GPC6: variants seen among roughly 807,000 people sequenced by gnomAD.
The protein encoded by GPC6 is glypican-6.
In GPC6, 14 loss-of-function variants were observed where a neutral mutation model predicts 55.2. That is an observed-to-expected ratio of 0.25 (90% CI 0.17 to 0.40). The LOEUF (loss-of-function observed/expected upper bound fraction) is 0.40. Among genes scored for constraint, GPC6 ranks in the 10% least tolerant of loss-of-function variants. GPC6 has a pLI of 1.00. For missense variants in GPC6, 641 were observed against 708.5 expected (o/e 0.90, Z 1.08); for synonymous variants, 278 against 259.6 (o/e 1.07, Z -0.68).
At chr13:93,441,472 T>A (rs1334465577) in intron 1 of GPC6, among the ~76,000 whole-genome samples, 1 of 152,260 alleles carries the variant, frequency 6.6e-6, no homozygotes, top group Admixed American at 6.5e-5. Context: ...TTCATGTGTT[T>A]TGGCTGCATA....
chr13:93,601,748 G>A (rs1280050981), intron 2 of GPC6, among the ~76,000 whole-genome samples: 2 of 152,228 alleles, frequency 1.3e-5, no homozygotes, highest in Admixed American at 1.3e-4. Flanking sequence ...AGATGTATAT[G>A]TATTTGTACA....
At chr13:93,987,060 A>C (rs1004596350) in intron 3 of GPC6, among the ~76,000 whole-genome samples, 3 of 152,128 alleles carry the variant, frequency 2.0e-5, no homozygotes, top group Non-Finnish European at 4.4e-5. Flanking sequence ...TTTTAAATCT[A>C]ACTTAACCTT....
At chr13:94,218,388 A>G (rs974591215) in intron 4 of GPC6, among the ~76,000 whole-genome samples, 1 of 152,142 alleles carries the variant, frequency 6.6e-6, no homozygotes, top group African/African-American at 2.4e-5. Flanking sequence ...CAACTGCTTG[A>G]GGCTGAATCT....
chr13:94,020,673 G>A (rs1053793617), intron 3 of GPC6, among the ~76,000 whole-genome samples: 2 of 152,026 alleles, frequency 1.3e-5, no homozygotes, highest in African/African-American at 4.8e-5. Context: ...TAAGCTAATT[G>A]TCCTTTTATG....
chr13:94,017,629 T>C (rs2138707295), intron 3 of GPC6, among the ~76,000 whole-genome samples: 1 of 152,214 alleles, frequency 6.6e-6, no homozygotes, highest in East Asian at 1.9e-4. Context: ...AACCATATGT[T>C]ATAGGATCAT....
intron 3 of GPC6, among the ~76,000 whole-genome samples, chr13:93,928,856 T>TATACAC (rs1555342456): frequency 1.4e-5 from 2 of 142,896 alleles, no homozygotes; most frequent in African/African-American, 5.2e-5. Context: ...CCCTGTGTGT[T>TATACAC]ACACACACAC....
intron 3 of GPC6, among the ~76,000 whole-genome samples, chr13:93,978,291 A>G (rs1880614349): frequency 1.3e-5 from 2 of 152,174 alleles, no homozygotes; most frequent in African/African-American, 4.8e-5. Flanking sequence ...TGGACTTCTT[A>G]TCTCCAGATG....
intron 4 of GPC6, among the ~76,000 whole-genome samples, chr13:94,122,678 A>G (rs1426319284): frequency 6.6e-6 from 1 of 152,104 alleles, no homozygotes; most frequent in Non-Finnish European, 1.5e-5. Context: ...TCTTTCATTC[A>G]CTACTCTGCA....
intron 1 of GPC6, among the ~76,000 whole-genome samples, chr13:93,242,625 T>A (rs1876471992): frequency 6.6e-6 from 1 of 152,144 alleles, no homozygotes; most frequent in Non-Finnish European, 1.5e-5. Flanking sequence ...GCTCGACCGC[T>A]GGGGAAGAAT....
At chr13:93,983,390 A>G (rs1270952687) in intron 3 of GPC6, among the ~76,000 whole-genome samples, 1 of 152,078 alleles carries the variant, frequency 6.6e-6, no homozygotes, top group Non-Finnish European at 1.5e-5. Flanking sequence ...TGGAGAAATC[A>G]TGCATTTAGA....
At chr13:93,482,910 A>G (rs914160467) in intron 1 of GPC6, among the ~76,000 whole-genome samples, 3 of 152,090 alleles carry the variant, frequency 2.0e-5, no homozygotes, top group Non-Finnish European at 4.4e-5. Context: ...GCATTTTTGA[A>G]ACGTGCTTTG....
At chr13:93,521,824 A>G (rs1419914694) in intron 1 of GPC6, among the ~76,000 whole-genome samples, 3 of 151,992 alleles carry the variant, frequency 2.0e-5, no homozygotes, top group Non-Finnish European at 4.4e-5. Context: ...GTAGCTTTTA[A>G]TGATGGGAAA....
At chr13:93,907,148 A>C (rs184245087) in intron 3 of GPC6, among the ~76,000 whole-genome samples, 4 of 152,238 alleles carry the variant, frequency 2.6e-5, no homozygotes, top group Non-Finnish European at 5.9e-5. Context: ...GATAAATAAG[A>C]TCTACAATCC....
intron 1 of GPC6, among the ~76,000 whole-genome samples, chr13:93,425,262 A>G (rs1313532775): frequency 6.6e-6 from 1 of 152,158 alleles, no homozygotes; most frequent in African/African-American, 2.4e-5. Flanking sequence ...CTTTAGCAAC[A>G]TTGAAATAAT....
intron 2 of GPC6, among the ~76,000 whole-genome samples, chr13:93,738,525 T>C (rs1239886782): frequency 6.6e-6 from 1 of 152,184 alleles, no homozygotes; most frequent in Admixed American, 6.5e-5. Context: ...CATATTTACT[T>C]AGAAATGACT....
chr13:93,947,895 G>A (rs527781197), intron 3 of GPC6, among the ~76,000 whole-genome samples: 3 of 152,176 alleles, frequency 2.0e-5, no homozygotes, highest in East Asian at 3.9e-4. Context: ...GTAAGCCTCC[G>A]TGATAGAAGG....
chr13:93,740,179 C>T (rs779072684), intron 2 of GPC6, among the ~76,000 whole-genome samples: 14 of 113,866 alleles, frequency 1.2e-4, no homozygotes, highest in Non-Finnish European at 1.8e-4. Context: ...ACTATAGCAA[C>T]GGCACATTGT....
At chr13:94,005,233 A>G (rs7990566) in intron 3 of GPC6, among the ~76,000 whole-genome samples, 85 of 152,334 alleles carry the variant, frequency 5.6e-4, no homozygotes, top group African/African-American at 2.0e-3. Context: ...TATACATAAT[A>G]TATTCTTCCC....
At chr13:94,353,946 T>A (rs1245220918) in intron 6 of GPC6, among the ~76,000 whole-genome samples, 2 of 151,316 alleles carry the variant, frequency 1.3e-5, no homozygotes, top group African/African-American at 2.4e-5. Flanking sequence ...GAAAAAAAAA[T>A]GCAAATCTAG....
Sources: allele counts gnomAD v4.1 joint callset (sites outside exome capture counted in the v4.1 genomes callset), GRCh38; gene constraint gnomAD v4.1.1; transcripts MANE v1.5; gene names NCBI Gene and HGNC (gene_info 2026-07-23, HGNC 2026-07-21).